The following LCA5 variants were observed in gnomAD, a reference collection of about 807,000 sequenced individuals.
LCA5 encodes lebercilin LCA5.
In LCA5, 37 loss-of-function variants were observed where a neutral mutation model predicts 53.0. The ratio of observed to expected loss-of-function variants is 0.70; its 90% CI spans 0.54 to 0.92. The LOEUF (loss-of-function observed/expected upper bound fraction) is 0.92, where lower values mean the gene tolerates loss of function less well. Ranked by LOEUF, LCA5 falls within the 40% of genes least tolerant of loss-of-function variation. The pLI is 0.00. For missense variants in LCA5, 806 were observed against 790.5 expected (o/e 1.02, Z -0.23); for synonymous variants, 303 against 282.9 (o/e 1.07, Z -0.71).
intron 3 of LCA5, among the ~76,000 whole-genome samples, chr6:79,502,667 A>T (rs561273064): frequency 2.6e-4 from 39 of 152,320 alleles, no homozygotes; most frequent in Non-Finnish European, 1.9e-4. Context: ...AATAACCAAA[A>T]TTATAATATT....
intron 4 of LCA5, 26 bp from the exon 5 acceptor site, chr6:79,492,673 G>A: frequency 8.5e-7 from 1 of 1,182,262 alleles, no homozygotes; most frequent in Non-Finnish European, 1.2e-6. Flanking sequence ...ATACAATTAA[G>A]GAAGTAGAGC....
chr6:79,507,682 T>C (rs573889924), intron 3 of LCA5, among the ~76,000 whole-genome samples: 8 of 152,254 alleles, frequency 5.3e-5, no homozygotes, highest in African/African-American at 1.9e-4. Flanking sequence ...GATTCATTCC[T>C]TACCTGTGAG....
chr6:79,512,664 T>C (rs548067346), intron 3 of LCA5, among the ~76,000 whole-genome samples: 11 of 152,132 alleles, frequency 7.2e-5, no homozygotes, highest in Middle Eastern at 3.4e-3. Flanking sequence ...TGTGTAAAAA[T>C]CATGGGATAG....
intron 3 of LCA5, among the ~76,000 whole-genome samples, chr6:79,497,732 T>C (rs548032398): frequency 2.0e-5 from 3 of 152,226 alleles, no homozygotes; most frequent in South Asian, 4.1e-4. Flanking sequence ...AATCCCACTT[T>C]GGGAGGCCGA....
At chr6:79,511,515 T>C (rs1377470390) in intron 3 of LCA5, among the ~76,000 whole-genome samples, 1 of 152,026 alleles carries the variant, frequency 6.6e-6, no homozygotes, top group African/African-American at 2.4e-5. Flanking sequence ...TACAAGGGAT[T>C]CTTGTGATGG....
chr6:79,503,671 T>C (rs1278983453), intron 3 of LCA5, among the ~76,000 whole-genome samples: 1 of 152,194 alleles, frequency 6.6e-6, no homozygotes, highest in Non-Finnish European at 1.5e-5. Flanking sequence ...ACTTTATCCC[T>C]AACCCTATTT....
intron 3 of LCA5, among the ~76,000 whole-genome samples, chr6:79,507,326 T>A (rs933123121): frequency 2.0e-5 from 3 of 152,154 alleles, no homozygotes; most frequent in Non-Finnish European, 4.4e-5. Flanking sequence ...TATTACTAAG[T>A]GAATTAAGAC....
chr6:79,529,748 T>C (rs1766900623), intron 1 of LCA5, among the ~76,000 whole-genome samples: 1 of 151,926 alleles, frequency 6.6e-6, no homozygotes, highest in African/African-American at 2.4e-5. Flanking sequence ...ATGTGGCACA[T>C]ATACACCATG....
chr6:79,523,303 TG>T (rs1200089488), intron 1 of LCA5, among the ~76,000 whole-genome samples: 1 of 151,918 alleles, frequency 6.6e-6, no homozygotes, highest in African/African-American at 2.4e-5. Context: ...TGCAATCAAG[TG>T]AAAAAATATT....
intron 2 of LCA5, 54 bp downstream of exon 2, chr6:79,518,650 TA>T: frequency 6.6e-7 from 1 of 1,514,980 alleles, no homozygotes. Context: ...ACATTTTCCT[TA>T]AGCACTCAAA....
Position 79,489,148 on chromosome 6 carries a change from TTC to T in LCA5, c.1165_1166del (p.Glu389ArgfsTer7). On this transcript the variant is annotated frameshift_variant, in exon 7 of 8. Transcript: ENST00000369846. LOFTEE classifies it high-confidence loss of function. ...AGILNPIMEREEKFVTDEELH... is the reference protein window; with the variant it reads ...AGILNPIMERXEKFVTDEELH... ...GTTCTTCATCTGTAACAAATTTTTC[TTC>T]TCTTTCCATAATTGGGTTTAGAATC... 2 of 1,613,194 alleles carry T rather than the reference TTC, an allele frequency of 1.2e-6. No individual in the cohort carries two copies. Among genetic ancestry groups the T allele is most frequent in the Non-Finnish European group, 1.7e-6 (2 of 1,179,732 alleles).
Position 79,537,226 on chromosome 6 carries a change from T to A in LCA5, c.-253A>T, listed in dbSNP as rs577946419. 6.5e-6 allele frequency: 1 copy of A among 152,790 alleles called. No homozygotes were observed. Among genetic ancestry groups the A allele is most frequent in the African/African-American group, 2.4e-5 (1 of 41,584 alleles). 9.5% of individuals were successfully genotyped at this position (152,790 alleles called of 1,614,324 possible). The stretch of plus-strand genomic sequence containing the variant: ...CGTCCCGCCTCCTTGCCTTCCCTCT[T>A]AGGACCAAACTCCCAGCTGGGGCCT... On this transcript the variant is annotated 5_prime_UTR_variant, in exon 1 of 8. Transcript: ENST00000369846.
chr6:79,533,612 A>T (rs932040740), intron 1 of LCA5, among the ~76,000 whole-genome samples: 2 of 151,794 alleles, frequency 1.3e-5, no homozygotes, highest in African/African-American at 4.8e-5. Context: ...AGTCCCAAAC[A>T]GTAAAAATTA....
At chr6:79,515,605 T>C (rs987048976) in intron 2 of LCA5, among the ~76,000 whole-genome samples, 2 of 152,204 alleles carry the variant, frequency 1.3e-5, no homozygotes, top group African/African-American at 4.8e-5. Context: ...ACATGGTAAC[T>C]GCATTTTTTT....
intron 1 of LCA5, among the ~76,000 whole-genome samples, chr6:79,526,452 G>A (rs1013619573): frequency 3.3e-5 from 5 of 152,138 alleles, no homozygotes; most frequent in African/African-American, 1.2e-4. Flanking sequence ...GCTGAGGCAG[G>A]AGAATGGCGT....
At chr6:79,520,050 T>C (rs1384858638) in intron 1 of LCA5, among the ~76,000 whole-genome samples, 3 of 152,134 alleles carry the variant, frequency 2.0e-5, no homozygotes, top group Non-Finnish European at 4.4e-5. Flanking sequence ...ACTGGCAAAA[T>C]GTATTGTCAC....
upstream of LCA5, among the ~76,000 whole-genome samples, chr6:79,538,025 T>G (rs1049030812): frequency 7.1e-4 from 53 of 74,128 alleles, no homozygotes; most frequent in Non-Finnish European, 1.1e-3. Flanking sequence ...CAAGTTTTTT[T>G]TTTTTTTTTT....
At chr6:79,508,888 A>C (rs989868539) in intron 3 of LCA5, among the ~76,000 whole-genome samples, 2 of 152,206 alleles carry the variant, frequency 1.3e-5, no homozygotes, top group Non-Finnish European at 2.9e-5. Context: ...TTGAAAAATA[A>C]AATAAGGCAC....
chr6:79,495,154 T>A (rs1437891725), intron 3 of LCA5, among the ~76,000 whole-genome samples: 1 of 152,196 alleles, frequency 6.6e-6, no homozygotes, highest in South Asian at 2.1e-4. Context: ...CAAACCCTAT[T>A]GTGAACTGTG....
Sources: gnomAD v4.1 joint callset for allele counts (sites outside exome capture counted in the v4.1 genomes callset) on GRCh38, gnomAD v4.1.1 for gene constraint, MANE v1.5 for transcripts, NCBI Gene and HGNC (gene_info 2026-07-23, HGNC 2026-07-21) for gene names.